PTPRG: variants seen among roughly 807,000 people sequenced by gnomAD.
The protein encoded by PTPRG is receptor-type tyrosine-protein phosphatase gamma.
PTPRG carries 102 observed loss-of-function variants against 165.3 expected under a neutral mutation model. The observed-to-expected ratio is 0.62, with a 90% CI of 0.53 to 0.73. The LOEUF is 0.73. PTPRG is among the 30% of genes least tolerant of loss of function. The pLI, the probability that PTPRG is intolerant of heterozygous loss-of-function variation, is 0.00. For missense variants in PTPRG, 1,866 were observed against 1,861.4 expected (o/e 1.00, Z -0.05); for synonymous variants, 675 against 669.5 (o/e 1.01, Z -0.13).
chr3:62,055,773 T>C (rs1700613128), intron 4 of PTPRG, among the ~76,000 whole-genome samples: 1 of 152,212 alleles, frequency 6.6e-6, no homozygotes, highest in Non-Finnish European at 1.5e-5. Context: ...TTCATCTTTG[T>C]GTGGCATTCT....
At chr3:62,215,556 C>CA (rs891510696) in intron 12 of PTPRG, among the ~76,000 whole-genome samples, 2 of 144,302 alleles carry the variant, frequency 1.4e-5, no homozygotes, top group South Asian at 2.5e-4. Flanking sequence ...ACCCCCCCCC[C>CA]CCGCCAATTA....
intron 1 of PTPRG, among the ~76,000 whole-genome samples, chr3:61,566,259 A>G (rs1699911246): frequency 6.6e-6 from 1 of 152,128 alleles, no homozygotes; most frequent in South Asian, 2.1e-4. Context: ...CACTGAATAA[A>G]AGATTATGTT....
At chr3:61,657,379 G>C (rs545759808) in intron 1 of PTPRG, among the ~76,000 whole-genome samples, 1 of 152,242 alleles carries the variant, frequency 6.6e-6, no homozygotes, top group East Asian at 1.9e-4. Flanking sequence ...AGACCATCCT[G>C]CTTTTGATGT....
At chr3:62,109,544 A>G (rs1702593487) in intron 5 of PTPRG, among the ~76,000 whole-genome samples, 1 of 152,060 alleles carries the variant, frequency 6.6e-6, no homozygotes, top group African/African-American at 2.4e-5. Flanking sequence ...TTTTGGTTCC[A>G]TATGAAGTTT....
intron 5 of PTPRG, among the ~76,000 whole-genome samples, chr3:62,084,065 G>T (rs980989730): frequency 3.3e-5 from 5 of 151,938 alleles, no homozygotes; most frequent in Admixed American, 1.3e-4. Flanking sequence ...GATTCTTCAA[G>T]AGCATCTACA....
chr3:61,777,938 G>T (rs1347691314), intron 2 of PTPRG, among the ~76,000 whole-genome samples: 1 of 152,160 alleles, frequency 6.6e-6, no homozygotes, highest in African/African-American at 2.4e-5. Context: ...CAGAGTTTCA[G>T]ATACCAAGTG....
rs368978475 is a variant in PTPRG, at chr3:61,584,675, T to C, written c.85+22303T>C. On this transcript the variant is annotated intron_variant, in intron 1 of 29. Transcript: ENST00000474889. Reference sequence around the variant, plus strand: ...TATCCCGCTTTGATCTAAGGCCTTGTTACCATCATCATCTCTTTAAAACTG... The same window carrying C: ...TATCCCGCTTTGATCTAAGGCCTTGCTACCATCATCATCTCTTTAAAACTG... Among the ~76,000 whole-genome samples the C allele has an allele frequency of 1.2e-4, 18 of 152,220 alleles. 1 individual carries two copies. The highest frequency in any genetic ancestry group is 4.1e-4 in the African/African-American group (17 of 41,526).
At chr3:61,982,639 G>A (rs2107681097) in intron 2 of PTPRG, among the ~76,000 whole-genome samples, 1 of 152,186 alleles carries the variant, frequency 6.6e-6, no homozygotes, top group South Asian at 2.1e-4. Flanking sequence ...CTGTGGCTCA[G>A]AACTAAAAGG....
intron 1 of PTPRG, among the ~76,000 whole-genome samples, chr3:61,703,537 G>A (rs1170619835): frequency 1.3e-5 from 2 of 152,168 alleles, no homozygotes; most frequent in Non-Finnish European, 2.9e-5. Context: ...GGGAGTTGAT[G>A]CTGTATCTTT....
At chr3:61,976,564 G>C (rs9985343) in intron 2 of PTPRG, among the ~76,000 whole-genome samples, 81,868 of 152,102 alleles carry the variant, frequency 0.54, 22,478 homozygotes, top group African/African-American at 0.65. Context: ...ACATAAAATA[G>C]AATATTGACT....
At chr3:61,957,343 A>C (rs1207450576) in intron 2 of PTPRG, among the ~76,000 whole-genome samples, 2 of 152,238 alleles carry the variant, frequency 1.3e-5, no homozygotes, top group Admixed American at 6.5e-5. Context: ...TTTAAAATCC[A>C]GTTTTTATAT....
At chr3:61,698,497 A>G (rs2030740762) in intron 1 of PTPRG, among the ~76,000 whole-genome samples, 1 of 152,192 alleles carries the variant, frequency 6.6e-6, no homozygotes, top group African/African-American at 2.4e-5. Flanking sequence ...TATGTGAACC[A>G]CTGTAGCTGT....
intron 2 of PTPRG, among the ~76,000 whole-genome samples, chr3:61,846,376 A>C (rs2036806022): frequency 2.0e-5 from 3 of 152,254 alleles, no homozygotes; most frequent in South Asian, 4.1e-4. Context: ...GTGGTTTCTT[A>C]TTTAAATTGT....
chr3:61,899,217 A>T (rs2038437661), intron 2 of PTPRG, among the ~76,000 whole-genome samples: 1 of 152,172 alleles, frequency 6.6e-6, no homozygotes, highest in African/African-American at 2.4e-5. Context: ...CCTAGTGCCT[A>T]GGTTCCTTGT....
intron 5 of PTPRG, among the ~76,000 whole-genome samples, chr3:62,097,727 T>C (rs1350586729): frequency 6.6e-6 from 1 of 152,220 alleles, no homozygotes; most frequent in African/African-American, 2.4e-5. Context: ...ATTTTCTTCT[T>C]CAGTCCTCTT....
chr3:62,268,556 A>G (rs1423757486), intron 19 of PTPRG, among the ~76,000 whole-genome samples: 1 of 152,144 alleles, frequency 6.6e-6, no homozygotes, highest in African/African-American at 2.4e-5. Flanking sequence ...TCCCTGCTCA[A>G]AATCACCACT....
At chr3:61,887,825 A>G (rs1239395823) in intron 2 of PTPRG, among the ~76,000 whole-genome samples, 1 of 152,212 alleles carries the variant, frequency 6.6e-6, no homozygotes, top group Non-Finnish European at 1.5e-5. Context: ...AGAAAAATTA[A>G]TACACCACTC....
At chr3:62,119,281 A>T (rs138783911) in intron 5 of PTPRG, among the ~76,000 whole-genome samples, 74 of 152,324 alleles carry the variant, frequency 4.9e-4, no homozygotes, top group South Asian at 1.2e-3. Context: ...TGACAAACAG[A>T]CTGGTGCCAG....
At chr3:61,597,329 G>C (rs905483108) in intron 1 of PTPRG, among the ~76,000 whole-genome samples, 25 of 152,184 alleles carry the variant, frequency 1.6e-4, no homozygotes, top group Middle Eastern at 3.4e-3. Context: ...ACTCCCTGTG[G>C]ATACCAAAAT....
Sources: allele counts gnomAD v4.1 joint callset (sites outside exome capture counted in the v4.1 genomes callset), GRCh38; gene constraint gnomAD v4.1.1; transcripts MANE v1.5; gene names NCBI Gene and HGNC (gene_info 2026-07-23, HGNC 2026-07-21).